The following GPATCH2 variants were observed in gnomAD, a reference collection of about 807,000 sequenced individuals.
GPATCH2 encodes the protein G patch domain-containing protein 2.
A neutral mutation model predicts 58.0 loss-of-function variants in GPATCH2; 51 were observed. The ratio of observed to expected loss-of-function variants is 0.88; its 90% confidence interval spans 0.70 to 1.11. The LOEUF (loss-of-function observed/expected upper bound fraction) is 1.11, where lower values mean the gene tolerates loss of function less well. GPATCH2 is among the 50% of genes most tolerant of loss of function. The probability of loss-of-function intolerance (pLI) is 0.00; values close to 1 mark genes in which losing one functional copy is unlikely to be tolerated. For synonymous variants in GPATCH2, 222 were observed against 218.5 expected, an observed-to-expected ratio of 1.02 and a Z score of -0.14; for missense variants, 625 against 652.2, an observed-to-expected ratio of 0.96 and a Z score of 0.45.
At chr1:217,536,747 C>T (rs1179664232) in intron 5 of GPATCH2, among the ~76,000 whole-genome samples, 1 of 152,134 alleles carries the variant, frequency 6.6e-6, no homozygotes. Context: ...GAGGCCGAGG[C>T]AGACGGATCA....
intron 5 of GPATCH2, among the ~76,000 whole-genome samples, chr1:217,581,332 T>A (rs1196861236): frequency 1.3e-5 from 2 of 152,164 alleles, no homozygotes; most frequent in Non-Finnish European, 2.9e-5. Flanking sequence ...CACAAGACCT[T>A]ACAAGAAAAG....
intron 5 of GPATCH2, among the ~76,000 whole-genome samples, chr1:217,566,057 T>C (rs1242553101): frequency 7.8e-6 from 1 of 127,728 alleles, no homozygotes; most frequent in Non-Finnish European, 1.5e-5. Context: ...GCCGAGATCA[T>C]GCCATTGCAC....
intron 5 of GPATCH2, among the ~76,000 whole-genome samples, chr1:217,601,818 C>G (rs1668120094): frequency 6.6e-6 from 1 of 152,096 alleles, no homozygotes; most frequent in Non-Finnish European, 1.5e-5. Context: ...TTTCCTTATT[C>G]TCCTCCCAAC....
chr1:217,547,769 G>A (rs1300584840), intron 5 of GPATCH2, among the ~76,000 whole-genome samples: 2 of 152,104 alleles, frequency 1.3e-5, no homozygotes, highest in African/African-American at 4.8e-5. Context: ...AACTGATACG[G>A]TTTGGCTCTG....
chr1:217,490,943 G>A (rs1051880083), intron 8 of GPATCH2, among the ~76,000 whole-genome samples: 3 of 152,262 alleles, frequency 2.0e-5, no homozygotes, highest in Non-Finnish European at 4.4e-5. Context: ...TGCATGACAT[G>A]GCACTTTGAA....
chr1:217,446,622 CACT>C (rs1248194885), intron 9 of GPATCH2, among the ~76,000 whole-genome samples: 1 of 152,060 alleles, frequency 6.6e-6, no homozygotes, highest in Non-Finnish European at 1.5e-5. Flanking sequence ...TCTCCTGCTC[CACT>C]ACTTTTTGAG....
intron 5 of GPATCH2, among the ~76,000 whole-genome samples, chr1:217,548,402 C>T (rs751103490): frequency 5.3e-5 from 8 of 152,136 alleles, no homozygotes; most frequent in Non-Finnish European, 7.4e-5. Flanking sequence ...TATGCAGTTA[C>T]CCCTGAAAAT....
At chr1:217,540,356 A>C (rs1311257665) in intron 5 of GPATCH2, among the ~76,000 whole-genome samples, 1 of 152,082 alleles carries the variant, frequency 6.6e-6, no homozygotes, top group African/African-American at 2.4e-5. Flanking sequence ...CTGTTCCTGT[A>C]TTTTCCCTGT....
chr1:217,586,296 T>C (rs1183128512), intron 5 of GPATCH2, among the ~76,000 whole-genome samples: 2 of 152,230 alleles, frequency 1.3e-5, no homozygotes, highest in African/African-American at 4.8e-5. Context: ...AAAACATACA[T>C]TGCACAGCTG....
chr1:217,470,939 A>T (rs1035259865), intron 8 of GPATCH2, among the ~76,000 whole-genome samples: 2 of 146,262 alleles, frequency 1.4e-5, no homozygotes, highest in African/African-American at 2.8e-5. Context: ...AAGAATGAAT[A>T]AAAAAAACTA....
chr1:217,598,603 C>T (rs1317405070), intron 5 of GPATCH2, among the ~76,000 whole-genome samples: 1 of 151,854 alleles, frequency 6.6e-6, no homozygotes, highest in Non-Finnish European at 1.5e-5. Context: ...CAGGTGCCTG[C>T]CACAGGTACC....
At chr1:217,581,951 G>C (rs1351820395) in intron 5 of GPATCH2, among the ~76,000 whole-genome samples, 2 of 152,004 alleles carry the variant, frequency 1.3e-5, no homozygotes, top group African/African-American at 4.8e-5. Context: ...ACTCCGTCTG[G>C]GGGGAAGAAA....
At chr1:217,500,392 G>A (rs1295151746) in intron 6 of GPATCH2, among the ~76,000 whole-genome samples, 1 of 151,850 alleles carries the variant, frequency 6.6e-6, no homozygotes, top group African/African-American at 2.4e-5. Flanking sequence ...GGCTCTCACT[G>A]GGTGTTCACA....
At chr1:217,520,905 CT>C (rs1429750108) in intron 5 of GPATCH2, among the ~76,000 whole-genome samples, 1 of 152,152 alleles carries the variant, frequency 6.6e-6, no homozygotes. Flanking sequence ...CAACTCATAG[CT>C]TAATGACAGC....
chr1:217,580,438 T>C (rs1667016792), intron 5 of GPATCH2, among the ~76,000 whole-genome samples: 1 of 152,186 alleles, frequency 6.6e-6, no homozygotes, highest in African/African-American at 2.4e-5. Context: ...CAATTTTACT[T>C]CTAGAAAAAC....
At chr1:217,554,995 T>C (rs374077929) in intron 5 of GPATCH2, among the ~76,000 whole-genome samples, 1 of 152,182 alleles carries the variant, frequency 6.6e-6, no homozygotes, top group South Asian at 2.1e-4. Context: ...TTTCCATTCT[T>C]CTAAAATACA....
intron 8 of GPATCH2, among the ~76,000 whole-genome samples, chr1:217,481,191 A>C (rs370702403): frequency 6.6e-6 from 1 of 152,222 alleles, no homozygotes; most frequent in East Asian, 1.9e-4. Flanking sequence ...CAAATTGTTG[A>C]GGGGATGGAT....
intron 5 of GPATCH2, among the ~76,000 whole-genome samples, chr1:217,545,477 C>T (rs1257671156): frequency 6.6e-6 from 1 of 152,172 alleles, no homozygotes; most frequent in African/African-American, 2.4e-5. Flanking sequence ...TATTACTTTT[C>T]TCCCACAGAA....
intron 8 of GPATCH2, among the ~76,000 whole-genome samples, chr1:217,467,746 G>A (rs557737595): frequency 6.6e-6 from 1 of 151,384 alleles, no homozygotes; most frequent in East Asian, 1.9e-4. Context: ...TAGAAACACA[G>A]ACATTCCTAA....
Sources: gnomAD v4.1 joint callset for allele counts (sites outside exome capture counted in the v4.1 genomes callset) on GRCh38, gnomAD v4.1.1 for gene constraint, MANE v1.5 for transcripts, NCBI Gene and HGNC (gene_info 2026-07-23, HGNC 2026-07-21) for gene names.